Variants in HAUS5 observed in about 807,000 individuals in gnomAD.
HAUS5 encodes HAUS augmin like complex subunit 5.
A neutral mutation model predicts 94.1 loss-of-function variants in HAUS5; 67 were observed. The ratio of observed to expected loss-of-function variants is 0.71; its 90% CI spans 0.58 to 0.87. The LOEUF is 0.87. Ranked by LOEUF, HAUS5 falls within the 40% of genes least tolerant of loss-of-function variation. The pLI is 0.00. For synonymous variants in HAUS5, 339 were observed against 355.4 expected, an observed-to-expected ratio of 0.95 and a Z score of 0.52; for missense variants, 739 against 825.6, an observed-to-expected ratio of 0.90 and a Z score of 1.29.
At chr19:35,616,533 T>G (rs921593974) in intron 6 of HAUS5, among the ~76,000 whole-genome samples, 12 of 152,148 alleles carry the variant, frequency 7.9e-5, no homozygotes, top group Admixed American at 6.5e-4. Flanking sequence ...GTTTTGTTTT[T>G]TTGAGACAGA....
chr19:35,622,139 G>A (rs1217762465), intron 17 of HAUS5, among the ~76,000 whole-genome samples: 1 of 152,094 alleles, frequency 6.6e-6, no homozygotes, highest in African/African-American at 2.4e-5. Context: ...CTCTGCCTTG[G>A]GGGCACTGGA....
chr19:35,613,092 G>A (rs1419634386), intron 1 of HAUS5, among the ~76,000 whole-genome samples, 200 bp downstream of exon 1: 1 of 152,126 alleles, frequency 6.6e-6, no homozygotes, highest in Non-Finnish European at 1.5e-5. Context: ...AGTTAGCTAA[G>A]ACCTCGCTCC....
At chr19:35,615,792 G>A (rs979878879) in intron 6 of HAUS5, among the ~76,000 whole-genome samples, 1 of 152,208 alleles carries the variant, frequency 6.6e-6, no homozygotes, top group African/African-American at 2.4e-5. Context: ...GGCCTCTGAG[G>A]AGGGGACATT....
Position 35,618,881 on chromosome 19 carries a change from C to T in HAUS5, c.1017-6C>T, listed in dbSNP as rs763983911. 6.3e-7 allele frequency: 1 copy of T among 1,597,432 alleles called. No individual in the cohort carries two copies. The highest frequency in any genetic ancestry group is 8.5e-7 in the Non-Finnish European group (1 of 1,172,454). Reference sequence around the variant, plus strand: ...TCTCCTTTGCTCTCCTCCACTTGCCCTGCAGGCAGGTGCTGATACTGGGGC... The same window carrying T: ...TCTCCTTTGCTCTCCTCCACTTGCCTTGCAGGCAGGTGCTGATACTGGGGC... On this transcript the variant is annotated splice_region_variant and splice_polypyrimidine_tract_variant and intron_variant, in intron 12 of 18. Transcript: ENST00000203166.
intron 1 of HAUS5, among the ~76,000 whole-genome samples, chr19:35,613,358 AC>A (rs2071911820): frequency 6.6e-6 from 1 of 151,580 alleles, no homozygotes; most frequent in African/African-American, 2.4e-5. Flanking sequence ...CTCCCCCACC[AC>A]CCGCCTTCCC....
chr19:35,614,103 A>G (rs775055362), intron 4 of HAUS5, 44 bp downstream of exon 4: 1 of 1,578,582 alleles, frequency 6.3e-7, no homozygotes, highest in Non-Finnish European at 8.7e-7. Context: ...CCGAAAAATG[A>G]CTTGTAGATC....
chr19:35,622,492 G>A (rs1967225152), intron 17 of HAUS5, 109 bp from the exon 18 acceptor site: 8 of 1,135,610 alleles, frequency 7.0e-6, no homozygotes, highest in Non-Finnish European at 1.0e-5. Flanking sequence ...ATTGGTTTGC[G>A]GGAGCTGCTG....
intron 17 of HAUS5, among the ~76,000 whole-genome samples, chr19:35,621,115 A>G (rs1230667188): frequency 6.6e-6 from 1 of 152,204 alleles, no homozygotes; most frequent in Non-Finnish European, 1.5e-5. Flanking sequence ...GAATGAAAGG[A>G]TAAATACATG....
chr19:35,618,971 T>G lies in HAUS5; in HGVS notation c.1101T>G (p.Asp367Glu). ...ALHDQSQELQ[D>E]AAGHRQLLLR... is the part of the protein sequence containing the mutation. ...ACGATCAGAGCCAGGAGCTGCAGGATGCAGCTGGGCATCGGCAGCTCCTGC... is the reference window on the plus strand; with the variant it reads ...ACGATCAGAGCCAGGAGCTGCAGGAGGCAGCTGGGCATCGGCAGCTCCTGC... Residue 367 changes from aspartate to glutamate, a missense_variant, in exon 13 of 19, where the codon GAT (aspartate) becomes GAG (glutamate). By Grantham distance (45) the Asp-to-Glu change is conservative. Transcript: ENST00000203166. 1 of 1,613,432 alleles carries G rather than the reference T, an allele frequency of 6.2e-7. No individual in the cohort carries two copies. Among genetic ancestry groups the G allele is most frequent in the East Asian group, 2.2e-5 (1 of 44,866 alleles).
intron 6 of HAUS5, among the ~76,000 whole-genome samples, chr19:35,616,806 C>A (rs563420378): frequency 6.6e-6 from 1 of 152,212 alleles, no homozygotes; most frequent in African/African-American, 2.4e-5. Context: ...CATGAGCCAC[C>A]ACGCTGGGCC....
chr19:35,621,667 C>T (rs1954010003), intron 17 of HAUS5, among the ~76,000 whole-genome samples: 1 of 152,140 alleles, frequency 6.6e-6, no homozygotes, highest in Non-Finnish European at 1.5e-5. Context: ...CCCAGAAACC[C>T]AGGAGTCATC....
At chr19:35,614,452 C>T (rs1024288783) in intron 4 of HAUS5, among the ~76,000 whole-genome samples, 2 of 152,132 alleles carry the variant, frequency 1.3e-5, no homozygotes, top group Non-Finnish European at 2.9e-5. Flanking sequence ...GGCGTGGTGG[C>T]ACACGCCTGT....
At chr19:35,614,278 T>A in intron 4 of HAUS5, 1 of 600,428 alleles carries the variant, frequency 1.7e-6, no homozygotes, top group East Asian at 2.9e-5. Context: ...GAGGCTCACC[T>A]GAGGCCTCAT....
intron 10 of HAUS5, 37 bp downstream of exon 10, chr19:35,618,232 A>G: frequency 3.8e-6 from 6 of 1,596,512 alleles, no homozygotes; most frequent in Non-Finnish European, 4.3e-6. Flanking sequence ...GGGGAAGGCC[A>G]TGTGAGTGGG....
At position 35,624,111 on chromosome 19, in the gene HAUS5, T is replaced by G. The variant is rs1967265317; in HGVS notation, c.*1118T>G. The G allele has an allele frequency of 6.9e-6, 1 of 144,250 alleles. No individual in the cohort carries two copies. Among genetic ancestry groups the G allele is most frequent in the Non-Finnish European group, 1.5e-5 (1 of 65,792 alleles). 8.9% of individuals were successfully genotyped at this position (144,250 alleles called of 1,614,324 possible). ...GTTCTTGTTTTCTTTTGTTTTTTTT[T>G]TTTTTTTTTTTGAGATGCAGTCTCA... On this transcript the variant is annotated 3_prime_UTR_variant, in exon 19 of 19. Transcript: ENST00000203166.
rs1172528606 is a variant in HAUS5 at position 35,613,978 on chromosome 19, A to G, written c.195-57A>G. The G allele has an allele frequency of 3.1e-6, 5 of 1,608,586 alleles. No individual in the cohort carries two copies. The African/African-American group carries it at 4.0e-5, about 13-fold the overall frequency. On this transcript the variant is annotated intron_variant, in intron 3 of 18. Transcript: ENST00000203166. Reference sequence around the variant, plus strand: ...CTGTCCCCACCACAGCATCACACCTATTGCCCTCCCCCCTAGAAGCCCCAC... The same window carrying G: ...CTGTCCCCACCACAGCATCACACCTGTTGCCCTCCCCCCTAGAAGCCCCAC...
intron 4 of HAUS5, among the ~76,000 whole-genome samples, chr19:35,614,602 TAAAG>T (rs778141999): frequency 2.0e-5 from 3 of 151,646 alleles, no homozygotes; most frequent in South Asian, 2.1e-4. Context: ...AAAAAATAAA[TAAAG>T]AGCATTAATT....
chr19:35,622,945 G>T lies in HAUS5; in HGVS notation c.1854G>T (p.Arg618=). The change falls in exon 19 of 19, where the codon CGG becomes CGT. Residue 618 remains arginine, a synonymous_variant. Coordinates refer to ENST00000203166, the MANE Select transcript of HAUS5 (RefSeq NM_015302.2). ...LCQGLSLPQW[R]LRWVQAQGAL... ...AGGGCCTGTCCCTGCCCCAGTGGCG[G>T]CTGCGCTGGGTTCAGGCCCAGGGGG... 6.2e-7 allele frequency: 1 copy of T among 1,613,596 alleles called. No homozygotes were observed. The highest frequency in any genetic ancestry group is 8.5e-7 in the Non-Finnish European group (1 of 1,179,862).
At chr19:35,619,584 G>GCCCCCCCCCC in intron 14 of HAUS5, 29 bp from the exon 15 acceptor site, 15 of 1,533,848 alleles carry the variant, frequency 9.8e-6, no homozygotes, top group Middle Eastern at 1.8e-4. Flanking sequence ...ATGTTGTGAT[G>GCCCCCCCCCC]CCCCACCCAC....
Sources: gnomAD v4.1 joint callset for allele counts (sites outside exome capture counted in the v4.1 genomes callset) on GRCh38, gnomAD v4.1.1 for gene constraint, MANE v1.5 for transcripts, NCBI Gene and HGNC (gene_info 2026-07-23, HGNC 2026-07-21) for gene names.